Variants in DISP1 observed in about 807,000 individuals in gnomAD.
DISP1 encodes dispatched RND transporter family member 1, also known as protein dispatched homolog 1.
A neutral mutation model predicts 37.3 loss-of-function variants in DISP1; 30 were observed. The observed-to-expected ratio is 0.80, with a 90% CI of 0.60 to 1.09. The LOEUF is 1.09. Ranked by LOEUF, DISP1 falls within the 50% of genes least tolerant of loss-of-function variation. DISP1 has a pLI of 0.00. For missense variants in DISP1, 1,598 were observed against 1,879.5 expected (o/e 0.85, Z 2.77); for synonymous variants, 634 against 690.2 (o/e 0.92, Z 1.28).
At chr1:222,891,076 C>T (rs1362448161) in intron 1 of DISP1, among the ~76,000 whole-genome samples, 2 of 151,980 alleles carry the variant, frequency 1.3e-5, no homozygotes, top group African/African-American at 4.8e-5. Context: ...ATAATCCAAC[C>T]CGTAATACCA....
At position 222,996,769 on chromosome 1, in the gene DISP1, G is replaced by A. The variant is rs147667212; in HGVS notation, c.987+1787G>A. 7.0e-3 allele frequency among the ~76,000 whole-genome samples: 1,070 copies of A among 152,254 alleles called. 19 individuals are homozygous for A. The highest frequency in any genetic ancestry group is 0.024 in the African/African-American group (1,012 of 41,548). On this transcript the variant is annotated intron_variant, in intron 8 of 8. Coordinates refer to ENST00000675850, the MANE Select transcript of DISP1 (RefSeq NM_001377229.1). ...GAACCCAGCCAAGTTGAACTCCAGCGTCTGCCTTTACCCACCCTGCTTTAT... is the reference window on the plus strand; with the variant it reads ...GAACCCAGCCAAGTTGAACTCCAGCATCTGCCTTTACCCACCCTGCTTTAT...
intron 1 of DISP1, among the ~76,000 whole-genome samples, chr1:222,844,164 C>T (rs1457803200): frequency 6.6e-6 from 1 of 152,066 alleles, no homozygotes; most frequent in Non-Finnish European, 1.5e-5. Flanking sequence ...TCCCTCAATT[C>T]CCTTTTTGCT....
At chr1:222,917,017 TA>T (rs1672529901) in intron 1 of DISP1, among the ~76,000 whole-genome samples, 1 of 152,184 alleles carries the variant, frequency 6.6e-6, no homozygotes. Context: ...TTCTTGTGAT[TA>T]GGCACATTTG....
chr1:222,823,516 G>C (rs2125162914), intron 1 of DISP1, among the ~76,000 whole-genome samples: 1 of 152,260 alleles, frequency 6.6e-6, no homozygotes, highest in East Asian at 1.9e-4. Flanking sequence ...AGTCATTAAA[G>C]ACTGGAAAGG....
At chr1:222,830,343 T>C (rs1665426930) in intron 1 of DISP1, among the ~76,000 whole-genome samples, 2 of 152,118 alleles carry the variant, frequency 1.3e-5, no homozygotes, top group African/African-American at 4.8e-5. Context: ...TATTTCATCT[T>C]TCTTTCCTGA....
At chr1:222,841,060 A>G (rs992616801) in intron 1 of DISP1, among the ~76,000 whole-genome samples, 4 of 152,192 alleles carry the variant, frequency 2.6e-5, no homozygotes, top group Non-Finnish European at 5.9e-5. Flanking sequence ...TACATAGCAC[A>G]GTGCCAGACA....
intron 1 of DISP1, among the ~76,000 whole-genome samples, chr1:222,815,769 A>C (rs1233424222): frequency 6.6e-6 from 1 of 152,182 alleles, no homozygotes; most frequent in Non-Finnish European, 1.5e-5. Flanking sequence ...GAAGACAACC[A>C]AAGTTTTCCT....
At chr1:222,954,567 C>G (rs1043211606) in intron 3 of DISP1, among the ~76,000 whole-genome samples, 4 of 152,248 alleles carry the variant, frequency 2.6e-5, no homozygotes, top group Middle Eastern at 3.4e-3. Context: ...AACTTATAGT[C>G]TAGAAGGAGA....
At chr1:222,928,774 A>T (rs746385785) in intron 2 of DISP1, among the ~76,000 whole-genome samples, 4 of 152,118 alleles carry the variant, frequency 2.6e-5, no homozygotes, top group African/African-American at 9.7e-5. Context: ...GTTTATTTAA[A>T]TTGTAGTCTA....
chr1:222,937,665 TA>T (rs991614798), intron 2 of DISP1, among the ~76,000 whole-genome samples: 4 of 152,164 alleles, frequency 2.6e-5, no homozygotes, highest in South Asian at 2.1e-4. Context: ...AAATGTAAAA[TA>T]GGGGATATGA....
intron 1 of DISP1, among the ~76,000 whole-genome samples, chr1:222,819,021 G>A (rs1489808623): frequency 2.0e-5 from 3 of 152,200 alleles, no homozygotes; most frequent in Non-Finnish European, 2.9e-5. Context: ...AGTGTTAGAG[G>A]TGGAGTCTGG....
intron 1 of DISP1, among the ~76,000 whole-genome samples, chr1:222,862,118 T>C (rs547146920): frequency 3.0e-4 from 46 of 152,318 alleles, no homozygotes; most frequent in Non-Finnish European, 5.6e-4. Flanking sequence ...TGTAGTAAAA[T>C]CTTAACTGTT....
chr1:222,837,858 C>T (rs551188895), intron 1 of DISP1, among the ~76,000 whole-genome samples: 4 of 152,114 alleles, frequency 2.6e-5, no homozygotes, highest in South Asian at 2.1e-4. Flanking sequence ...TGTTATAAAA[C>T]GTTGTTTCTC....
intron 1 of DISP1, among the ~76,000 whole-genome samples, chr1:222,848,032 A>AT (rs1352634426): frequency 6.6e-6 from 1 of 151,116 alleles, no homozygotes; most frequent in African/African-American, 2.4e-5. Flanking sequence ...TACACCTGAG[A>AT]TTTTTTGGGG....
chr1:222,992,186 C>T, intron 7 of DISP1, 76 bp downstream of exon 7: 1 of 1,178,588 alleles, frequency 8.5e-7, no homozygotes, highest in Non-Finnish European at 1.3e-6. Flanking sequence ...ACAGTCTAGA[C>T]TGATAGCCGT....
intron 1 of DISP1, among the ~76,000 whole-genome samples, chr1:222,849,500 A>C (rs945613840): frequency 6.6e-6 from 1 of 152,206 alleles, no homozygotes; most frequent in African/African-American, 2.4e-5. Flanking sequence ...CCTAAAAAAA[A>C]AATGTATCCA....
intron 2 of DISP1, among the ~76,000 whole-genome samples, chr1:222,938,445 A>C (rs147331933): frequency 6.6e-6 from 1 of 151,992 alleles, no homozygotes; most frequent in East Asian, 2.0e-4. Flanking sequence ...AGTTCTAAAG[A>C]AAAAGGAGGC....
chr1:222,859,574 T>C (rs1330940510), intron 1 of DISP1, among the ~76,000 whole-genome samples: 1 of 152,236 alleles, frequency 6.6e-6, no homozygotes, highest in Non-Finnish European at 1.5e-5. Context: ...TTAGATGGGA[T>C]CATTCAAAGA....
chr1:222,914,773 A>G (rs1319011563), intron 1 of DISP1, among the ~76,000 whole-genome samples: 1 of 152,174 alleles, frequency 6.6e-6, no homozygotes, highest in African/African-American at 2.4e-5. Flanking sequence ...CAGCCTGGGC[A>G]ACACAGCATG....
Sources: gnomAD v4.1 joint callset for allele counts (sites outside exome capture counted in the v4.1 genomes callset) on GRCh38, gnomAD v4.1.1 for gene constraint, MANE v1.5 for transcripts, NCBI Gene and HGNC (gene_info 2026-07-23, HGNC 2026-07-21) for gene names.